The following PPRC1 variants were observed in gnomAD, a reference collection of about 807,000 sequenced individuals.
PPRC1 encodes the protein peroxisome proliferator-activated receptor gamma coactivator-related protein 1.
Under a neutral mutation model 132.5 loss-of-function variants are expected in PPRC1, and 23 were observed. That is an observed-to-expected ratio of 0.17 (90% CI 0.12 to 0.25). The LOEUF (loss-of-function observed/expected upper bound fraction) is 0.25, where lower values mean the gene tolerates loss of function less well. PPRC1 is among the 10% of genes least tolerant of loss of function. PPRC1 has a pLI of 1.00. For synonymous variants in PPRC1, 872 were observed against 833.5 expected (o/e 1.05, Z -0.80); for missense variants, 2,006 against 2,089.1 (o/e 0.96, Z 0.78).
At chr10:102,142,959 A>G in intron 5 of PPRC1, 86 bp from the exon 6 acceptor site, 1 of 1,180,672 alleles carries the variant, frequency 8.5e-7, no homozygotes, top group Non-Finnish European at 1.2e-6. Flanking sequence ...GGAAAGGGAG[A>G]AGTGAGATGA....
rs965993829 is a variant in PPRC1, at chr10:102,140,174, G to C, written c.1666G>C (p.Asp556His). 10 of 1,614,086 alleles carry C rather than the reference G, an allele frequency of 6.2e-6. No homozygotes were observed. In the African/African-American group the frequency reaches 1.2e-4, roughly 19 times the overall value. ...TAGTCCTGCTAAAGAAGGCCCTCTAGACCTCTACCCAAAGCTGGCTGACAC... is the reference window on the plus strand; with the variant it reads ...TAGTCCTGCTAAAGAAGGCCCTCTACACCTCTACCCAAAGCTGGCTGACAC... ...QSSPAKEGPL[D>H]LYPKLADTIQ... Residue 556 changes from aspartate to histidine, a missense_variant, in exon 5 of 14, where the codon GAC becomes CAC. This residue lies in a region of PPRC1 where 1,914 missense variants were observed against 1,917.2 expected (regional missense o/e 1.00). Transcript: ENST00000278070.
At chr10:102,132,450 G>T (rs148292798), upstream of PPRC1, among the ~76,000 whole-genome samples, 2,062 of 152,344 alleles carry the variant, frequency 0.014, 27 homozygotes, top group Non-Finnish European at 0.02. Flanking sequence ...GAGAACACCT[G>T]TTGTCTTTAG....
Position 102,139,884 on chromosome 10 carries a change from G to T in PPRC1, c.1376G>T (p.Gly459Val). Residue 459 changes from glycine (G) to valine (V), a missense_variant, in exon 5 of 14, where the codon GGC becomes GTC. Coordinates refer to ENST00000278070, the MANE Select transcript of PPRC1 (RefSeq NM_015062.5). ...AAPGSQRARK[G>V]RKKKSKEQPA... ...CCAGGTTCCCAGAGAGCTCGAAAGG[G>T]CAGGAAGAAGAAGAGCAAGGAGCAG... The T allele has an allele frequency of 6.2e-7, 1 of 1,614,220 alleles. No homozygotes were observed. Among genetic ancestry groups the T allele is most frequent in the South Asian group, 1.1e-5 (1 of 91,086 alleles).
chr10:102,147,884 C>A (rs2069334444), intron 9 of PPRC1, among the ~76,000 whole-genome samples: 1 of 152,098 alleles, frequency 6.6e-6, no homozygotes, highest in South Asian at 2.1e-4. Context: ...ATGAAGAATT[C>A]TTGGGTTTTG....
chr10:102,145,167 T>C (rs2069168554), intron 8 of PPRC1, 77 bp downstream of exon 8: 2 of 1,361,108 alleles, frequency 1.5e-6, no homozygotes, highest in Non-Finnish European at 2.1e-6. Context: ...AAATCCATTG[T>C]GTGTAGGCGT....
upstream of PPRC1, among the ~76,000 whole-genome samples, chr10:102,128,836 G>C (rs1003140731): frequency 6.8e-6 from 1 of 148,030 alleles, no homozygotes; most frequent in African/African-American, 2.5e-5. Flanking sequence ...GGATGGTCTC[G>C]ATCTCCTGAC....
At chr10:102,120,645 G>A in the PPRC1 span, among the ~76,000 whole-genome samples, 464 of 152,314 alleles carry the variant, frequency 3.0e-3, 1 homozygote, top group African/African-American at 0.01. Context: ...AGCGCTCGGG[G>A]AACGGCATGC....
the PPRC1 span, among the ~76,000 whole-genome samples, chr10:102,120,767 GCCGGATGGGGAGT>G: frequency 6.6e-6 from 1 of 152,174 alleles, no homozygotes; most frequent in Non-Finnish European, 1.5e-5. Context: ...TCCGGGTGCC[GCCGGATGGGGAGT>G]CTGGCTGAGC....
At position 102,137,906 on chromosome 10, in the gene PPRC1, C is replaced by A; in HGVS notation, c.210C>A (p.Gly70=). 1 of 1,614,046 alleles carries A rather than the reference C, an allele frequency of 6.2e-7. No individual in the cohort carries two copies. The highest frequency in any genetic ancestry group is 8.5e-7 in the Non-Finnish European group (1 of 1,180,010). Residue 70 remains glycine (G), a synonymous_variant, in exon 2 of 14, where the codon GGC becomes GGA. Coordinates refer to ENST00000278070, the MANE Select transcript of PPRC1 (RefSeq NM_015062.5). ...GCTTTGTCAGTCTCTCTCGGCTGGG[C>A]CCATCTCTGAGGGACAAGGACCTGG... is the stretch of plus-strand genomic sequence containing the variant. ...DSGFVSLSRL[G]PSLRDKDLEM...
chr10:102,130,975 G>A (rs1403065574), upstream of PPRC1, among the ~76,000 whole-genome samples: 10 of 151,938 alleles, frequency 6.6e-5, no homozygotes, highest in Admixed American at 3.9e-4. Flanking sequence ...GGCAAATCAC[G>A]AGGTCAAGAG....
chr10:102,131,614 T>C (rs1039388995), upstream of PPRC1, among the ~76,000 whole-genome samples: 10 of 152,020 alleles, frequency 6.6e-5, no homozygotes, highest in Non-Finnish European at 1.5e-4. Flanking sequence ...TATGCAAGGG[T>C]GTTCATCATA....
chr10:102,138,044 C>T lies in PPRC1; in HGVS notation c.342+6C>T, dbSNP rs2068790705. On this transcript the variant is annotated splice_donor_region_variant and intron_variant, in intron 2 of 13. Coordinates refer to ENST00000278070, the MANE Select transcript of PPRC1 (RefSeq NM_015062.5). ...ATTTTGGGAGCCTTGGAGAGGTGAG[C>T]TGGGGCTGGACTCTGAAATCTTCAA... The T allele has an allele frequency of 1.9e-6, 3 of 1,612,150 alleles. No individual in the cohort carries two copies. The highest frequency in any genetic ancestry group is 1.1e-5 in the South Asian group (1 of 90,858).
chr10:102,125,927 A>G, the PPRC1 span, among the ~76,000 whole-genome samples: 2 of 150,796 alleles, frequency 1.3e-5, no homozygotes, highest in Middle Eastern at 6.8e-3. Context: ...CAGTGGCACA[A>G]TCTCGGCTCA....
rs34550400 is a variant in PPRC1, at chr10:102,149,729, C to CA, written c.4892-179dup. On this transcript the variant is annotated intron_variant, in intron 13 of 13. Transcript: ENST00000278070. ...CCTGGGCTACAGAACGAGACTGTCTCAAAAAAAAAAAAAAAAAAGACCCAA... is the reference window on the plus strand; with the variant it reads ...CCTGGGCTACAGAACGAGACTGTCTCAAAAAAAAAAAAAAAAAAAGACCCAA... 2.6e-3 allele frequency among the ~76,000 whole-genome samples: 284 copies of CA among 110,508 alleles called. 2 individuals are homozygous for CA. The highest frequency in any genetic ancestry group is 0.015 in the South Asian group (46 of 3,134). The allele number at this position is 110,508 out of a possible 152,430, so 72.5% of individuals were successfully genotyped here. A position where few individuals can be genotyped will look rare whatever the true frequency, so the allele number is the denominator to read the frequency against.
chr10:102,142,400 CTTTTTTTTTTTTTTTTTTTTTT>C (rs71016364), intron 5 of PPRC1, among the ~76,000 whole-genome samples: 12 of 61,206 alleles, frequency 2.0e-4, no homozygotes, highest in Admixed American at 1.8e-3. Context: ...TGCACCATGC[CTTTTTTTTTTTTTTTTTTTTTT>C]TTTTTTTTTT....
At chr10:102,133,557 C>T (rs879871075) in intron 1 of PPRC1, among the ~76,000 whole-genome samples, 22 of 152,274 alleles carry the variant, frequency 1.4e-4, no homozygotes, top group Non-Finnish European at 2.8e-4. Flanking sequence ...GCCGCAGTTC[C>T]CTTTTCGGAG....
At chr10:102,146,132 G>T (rs1457314022) in intron 8 of PPRC1, among the ~76,000 whole-genome samples, 1 of 152,192 alleles carries the variant, frequency 6.6e-6, no homozygotes, top group Non-Finnish European at 1.5e-5. Flanking sequence ...GTGGGCAGAG[G>T]TAAAGCGAGA....
chr10:102,149,372 C>T, intron 13 of PPRC1, 43 bp downstream of exon 13: 1 of 1,522,762 alleles, frequency 6.6e-7, no homozygotes, highest in Non-Finnish European at 8.8e-7. Context: ...GCTTCATCCC[C>T]TCCCCAGAAG....
upstream of PPRC1, among the ~76,000 whole-genome samples, chr10:102,131,229 G>A (rs1466497870): frequency 6.6e-6 from 1 of 151,550 alleles, no homozygotes; most frequent in Non-Finnish European, 1.5e-5. Flanking sequence ...GGGCATGGCA[G>A]TGTGTACCTG....
Sources: allele counts gnomAD v4.1 joint callset (sites outside exome capture counted in the v4.1 genomes callset), GRCh38; gene constraint gnomAD v4.1.1; regional missense constraint gnomAD v4.1.1; transcripts MANE v1.5; gene names NCBI Gene and HGNC (gene_info 2026-07-23, HGNC 2026-07-21).